AFG2A: variants seen among roughly 807,000 people sequenced by gnomAD.
AFG2A encodes AAA ATPase AFG2A, also known as ATPase family gene 2 protein homolog A.
At chr4:123,220,374 G>A in the AFG2A span, among the ~76,000 whole-genome samples, 1 of 151,962 alleles carries the variant, frequency 6.6e-6, no homozygotes, top group Non-Finnish European at 1.5e-5. Context: ...CATTTTGGGA[G>A]GCTGAGGTGG....
chr4:122,993,801 A>G, the AFG2A span, among the ~76,000 whole-genome samples: 1 of 151,998 alleles, frequency 6.6e-6, no homozygotes, highest in Admixed American at 6.6e-5. Flanking sequence ...AGATAAATAC[A>G]GATTTTAAAA....
At chr4:123,083,537 T>C in the AFG2A span, among the ~76,000 whole-genome samples, 1 of 151,756 alleles carries the variant, frequency 6.6e-6, no homozygotes, top group Non-Finnish European at 1.5e-5. Context: ...TAAATCCCAC[T>C]TTATAATGGT....
chr4:123,081,403 A>G, the AFG2A span, among the ~76,000 whole-genome samples: 1 of 152,156 alleles, frequency 6.6e-6, no homozygotes, highest in Non-Finnish European at 1.5e-5. Flanking sequence ...GCTTTTCCAG[A>G]TTGGCTTCTT....
chr4:123,015,630 C>T, the AFG2A span, among the ~76,000 whole-genome samples: 10 of 151,186 alleles, frequency 6.6e-5, no homozygotes, highest in African/African-American at 1.7e-4. Context: ...ATCCTTTCCC[C>T]GCCTTTCTCC....
the AFG2A span, among the ~76,000 whole-genome samples, chr4:123,246,199 A>G: frequency 2.0e-5 from 3 of 152,200 alleles, no homozygotes; most frequent in Non-Finnish European, 2.9e-5. Context: ...GCATTGTCAA[A>G]AGGGGAAAGT....
chr4:123,246,514 T>A, the AFG2A span, among the ~76,000 whole-genome samples: 12 of 152,204 alleles, frequency 7.9e-5, no homozygotes, highest in Non-Finnish European at 1.6e-4. Flanking sequence ...AATGTAATTA[T>A]ACCTGTGGAT....
chr4:123,107,132 C>G, the AFG2A span, among the ~76,000 whole-genome samples: 2 of 152,216 alleles, frequency 1.3e-5, no homozygotes, highest in African/African-American at 4.8e-5. Context: ...AGCCCTGCCT[C>G]AGGGAGCCCC....
chr4:123,206,977 A>G, the AFG2A span, among the ~76,000 whole-genome samples: 1 of 98,142 alleles, frequency 1.0e-5, no homozygotes, highest in Non-Finnish European at 2.8e-5. Flanking sequence ...TATTTCATTC[A>G]CTGAGTAACT....
chr4:123,145,848 TTTAA>T, the AFG2A span, among the ~76,000 whole-genome samples: 1 of 152,138 alleles, frequency 6.6e-6, no homozygotes, highest in Non-Finnish European at 1.5e-5. Context: ...ACTTTTAAAG[TTTAA>T]TTAACAGTAA....
At chr4:122,975,812 T>C in the AFG2A span, among the ~76,000 whole-genome samples, 1 of 152,044 alleles carries the variant, frequency 6.6e-6, no homozygotes, top group Non-Finnish European at 1.5e-5. Flanking sequence ...CAAGCAGAAG[T>C]GCAAGAGATG....
At chr4:123,155,328 C>T in the AFG2A span, among the ~76,000 whole-genome samples, 1 of 152,104 alleles carries the variant, frequency 6.6e-6, no homozygotes, top group Non-Finnish European at 1.5e-5. Context: ...AAGCCTTCCT[C>T]CCACCTTGAC....
the AFG2A span, among the ~76,000 whole-genome samples, chr4:123,149,225 T>C: frequency 6.6e-6 from 1 of 152,138 alleles, no homozygotes; most frequent in Non-Finnish European, 1.5e-5. Context: ...TAAAACTAGA[T>C]AAGATGAGTC....
At chr4:122,959,736 G>A in the AFG2A span, among the ~76,000 whole-genome samples, 802 of 152,274 alleles carry the variant, frequency 5.3e-3, 7 homozygotes, top group African/African-American at 0.018. Flanking sequence ...GATTGTACAT[G>A]CCTTTTCAGA....
At chr4:123,121,275 T>G in the AFG2A span, among the ~76,000 whole-genome samples, 1 of 151,224 alleles carries the variant, frequency 6.6e-6, no homozygotes, top group African/African-American at 2.4e-5. Flanking sequence ...AAATAAAAAA[T>G]TTATAAAGTA....
the AFG2A span, among the ~76,000 whole-genome samples, chr4:123,208,746 T>C: frequency 6.6e-6 from 1 of 152,200 alleles, no homozygotes; most frequent in Non-Finnish European, 1.5e-5. Flanking sequence ...TTGGTTCTTA[T>C]CCAACAACAT....
the AFG2A span, chr4:122,979,439 A>G: frequency 6.4e-7 from 1 of 1,562,452 alleles, no homozygotes; most frequent in Admixed American, 1.9e-5. Flanking sequence ...AACTCTGAAA[A>G]AAATTTAGAG....
the AFG2A span, chr4:123,090,587 G>T: frequency 1.9e-6 from 3 of 1,613,934 alleles, no homozygotes; most frequent in Non-Finnish European, 2.5e-6. Flanking sequence ...AGTTCTTTAG[G>T]TGCTGGGAAT....
chr4:122,983,482 A>G, the AFG2A span, among the ~76,000 whole-genome samples: 11 of 152,194 alleles, frequency 7.2e-5, no homozygotes, highest in African/African-American at 2.6e-4. Context: ...TTGCTGTATC[A>G]AAGTTTTGGT....
chr4:123,105,372 C>G, the AFG2A span, among the ~76,000 whole-genome samples: 1 of 152,150 alleles, frequency 6.6e-6, no homozygotes, highest in East Asian at 1.9e-4. Context: ...CATGGTTACT[C>G]AAGGCTCTGA....
Sources: allele counts gnomAD v4.1 joint callset (sites outside exome capture counted in the v4.1 genomes callset), GRCh38; gene constraint gnomAD v4.1.1; transcripts MANE v1.5; gene names NCBI Gene and HGNC (gene_info 2026-07-23, HGNC 2026-07-21).